Variants in KIAA0825 observed in about 807,000 individuals in gnomAD.
KIAA0825 encodes the protein KIAA0825, also known as uncharacterized protein KIAA0825.
In KIAA0825, 119 loss-of-function variants were observed where a neutral mutation model predicts 147.6. The observed-to-expected ratio is 0.81, with a 90% CI of 0.69 to 0.94. KIAA0825 has a LOEUF of 0.94. Ranked by LOEUF, KIAA0825 falls within the 40% of genes least tolerant of loss-of-function variation. KIAA0825 has a pLI of 0.00. For missense variants in KIAA0825, 1,381 were observed against 1,472.7 expected (o/e 0.94, Z 1.02); for synonymous variants, 470 against 518.1 (o/e 0.91, Z 1.26).
intron 5 of KIAA0825, among the ~76,000 whole-genome samples, chr5:94,508,320 A>T (rs545639636): frequency 3.3e-5 from 5 of 152,330 alleles, no homozygotes; most frequent in African/African-American, 1.2e-4. Flanking sequence ...AGATAATTAT[A>T]AAAAATCATC....
At chr5:94,212,313 A>G (rs1162261771) in intron 20 of KIAA0825, among the ~76,000 whole-genome samples, 1 of 152,212 alleles carries the variant, frequency 6.6e-6, no homozygotes, top group Non-Finnish European at 1.5e-5. Context: ...TATATTGCCC[A>G]TAATCAGATT....
chr5:94,351,079 CAA>C (rs1783616003), intron 20 of KIAA0825, among the ~76,000 whole-genome samples: 1 of 151,938 alleles, frequency 6.6e-6, no homozygotes, highest in Non-Finnish European at 1.5e-5. Flanking sequence ...GCAATCCAGA[CAA>C]GAGAAAGAAA....
At chr5:94,489,848 T>C (rs1763512753) in intron 5 of KIAA0825, among the ~76,000 whole-genome samples, 2 of 145,446 alleles carry the variant, frequency 1.4e-5, no homozygotes, top group Admixed American at 1.4e-4. Context: ...ATCATGCCAT[T>C]GCACTCCAGC....
intron 20 of KIAA0825, among the ~76,000 whole-genome samples, chr5:94,279,179 AT>A (rs1247698729): frequency 6.6e-6 from 1 of 152,112 alleles, no homozygotes; most frequent in African/African-American, 2.4e-5. Flanking sequence ...AATAAGTCCT[AT>A]TTATACATTA....
chr5:94,547,148 T>A (rs1774567195), intron 2 of KIAA0825, among the ~76,000 whole-genome samples: 1 of 151,746 alleles, frequency 6.6e-6, no homozygotes. Flanking sequence ...AGACAGCCTA[T>A]TTGAAAATAC....
chr5:94,259,786 T>C (rs576248480), intron 20 of KIAA0825, among the ~76,000 whole-genome samples: 30 of 152,026 alleles, frequency 2.0e-4, no homozygotes, highest in Middle Eastern at 3.4e-3. Context: ...ATTTATATTA[T>C]CTTTAAAAAT....
chr5:94,393,296 A>G (rs955138567), intron 17 of KIAA0825, among the ~76,000 whole-genome samples: 1 of 152,228 alleles, frequency 6.6e-6, no homozygotes, highest in East Asian at 1.9e-4. Flanking sequence ...ACCATGATGA[A>G]AAACAATAAT....
chr5:94,486,095 A>G (rs1763026090), intron 5 of KIAA0825, among the ~76,000 whole-genome samples: 1 of 151,922 alleles, frequency 6.6e-6, no homozygotes, highest in South Asian at 2.1e-4. Flanking sequence ...ATTTTAGATT[A>G]CATCACTAAA....
Position 94,575,350 on chromosome 5 carries a change from T to C in KIAA0825, c.-2+7083A>G, listed in dbSNP as rs115543915. Among the ~76,000 whole-genome samples the C allele has an allele frequency of 2.2e-3, 330 of 150,048 alleles. 2 individuals carry two copies. The highest frequency in any genetic ancestry group is 4.4e-4 in the Non-Finnish European group (30 of 67,640). On this transcript the variant is annotated intron_variant, in intron 2 of 20. Transcript: ENST00000682413. ...GGTGATGATAAATAGGAAGAGGATGTGGCCATGACGGAAAAAAAAAAAAAG... is the reference window on the plus strand; with the variant it reads ...GGTGATGATAAATAGGAAGAGGATGCGGCCATGACGGAAAAAAAAAAAAAG...
chr5:94,280,310 G>GT (rs1777403107), intron 20 of KIAA0825, among the ~76,000 whole-genome samples: 1 of 152,028 alleles, frequency 6.6e-6, no homozygotes. Flanking sequence ...CAGAAATACA[G>GT]TTTTTTATCT....
chr5:94,467,652 G>A (rs1252261989), intron 10 of KIAA0825, among the ~76,000 whole-genome samples: 1 of 152,174 alleles, frequency 6.6e-6, no homozygotes, highest in Non-Finnish European at 1.5e-5. Flanking sequence ...GATCTCACTT[G>A]CTATCACAAA....
At chr5:94,415,127 A>T (rs1753278080) in intron 15 of KIAA0825, 2 of 152,030 alleles carry the variant, frequency 1.3e-5, no homozygotes, top group South Asian at 4.2e-4. Flanking sequence ...CTTTTTGTTT[A>T]CTCAACAATA....
chr5:94,396,601 G>T, intron 16 of KIAA0825, 92 bp from the exon 17 acceptor site: 1 of 1,038,060 alleles, frequency 9.6e-7, no homozygotes, highest in Non-Finnish European at 1.3e-6. Flanking sequence ...TAATTTTTGT[G>T]GAGAAAATTG....
chr5:94,375,325 C>T (rs928770693), intron 20 of KIAA0825, among the ~76,000 whole-genome samples: 1 of 152,042 alleles, frequency 6.6e-6, no homozygotes, highest in African/African-American at 2.4e-5. Flanking sequence ...GCCACCACAC[C>T]CGGCCAAAAA....
At chr5:94,470,667 T>A (rs929770295) in intron 9 of KIAA0825, among the ~76,000 whole-genome samples, 3 of 152,240 alleles carry the variant, frequency 2.0e-5, no homozygotes, top group Admixed American at 1.3e-4. Context: ...TGACTACTTA[T>A]GAGAATTAAA....
At chr5:94,416,745 CCT>C (rs1199991897) in intron 15 of KIAA0825, 1 of 159,534 alleles carries the variant, frequency 6.3e-6, no homozygotes, top group Non-Finnish European at 1.4e-5. Context: ...GATATGCTTG[CCT>C]TGTAGAGAGA....
intron 20 of KIAA0825, among the ~76,000 whole-genome samples, chr5:94,306,594 C>G (rs890974546): frequency 2.6e-5 from 4 of 151,790 alleles, no homozygotes; most frequent in African/African-American, 9.7e-5. Flanking sequence ...TATCACTGTA[C>G]TAAGCCCTCA....
At chr5:94,611,234 T>C (rs1291789071) in intron 1 of KIAA0825, among the ~76,000 whole-genome samples, 1 of 152,206 alleles carries the variant, frequency 6.6e-6, no homozygotes, top group African/African-American at 2.4e-5. Context: ...TCTTAAGACC[T>C]AGCCTCTGGT....
intron 1 of KIAA0825, among the ~76,000 whole-genome samples, chr5:94,602,087 C>T (rs560334151): frequency 1.6e-4 from 25 of 152,290 alleles, no homozygotes; most frequent in African/African-American, 5.3e-4. Context: ...AGGTGGCTCA[C>T]GCCTATAATC....
Sources: allele counts gnomAD v4.1 joint callset (sites outside exome capture counted in the v4.1 genomes callset), GRCh38; gene constraint gnomAD v4.1.1; transcripts MANE v1.5; gene names NCBI Gene and HGNC (gene_info 2026-07-23, HGNC 2026-07-21).